CLVS1: variants seen among roughly 807,000 people sequenced by gnomAD.
The protein encoded by CLVS1 is clavesin 1.
Under a neutral mutation model 33.1 loss-of-function variants are expected in CLVS1, and 10 were observed. The observed-to-expected ratio is 0.30, with a 90% CI of 0.19 to 0.51. CLVS1 has a LOEUF of 0.51. Among genes scored for constraint, CLVS1 ranks in the 20% least tolerant of loss-of-function variants. The pLI is 0.97. For synonymous variants in CLVS1, 163 were observed against 166.1 expected, an observed-to-expected ratio of 0.98 and a Z score of 0.14; for missense variants, 343 against 433.4, an observed-to-expected ratio of 0.79 and a Z score of 1.85.
At chr8:61,167,574 G>T (rs1467671034) in intron 2 of CLVS1, among the ~76,000 whole-genome samples, 1 of 152,166 alleles carries the variant, frequency 6.6e-6, no homozygotes, top group Non-Finnish European at 1.5e-5. Context: ...AAACATCAGA[G>T]TTCTGTCAGA....
intron 1 of CLVS1, among the ~76,000 whole-genome samples, chr8:61,090,564 A>G (rs1692799401): frequency 6.6e-6 from 1 of 151,742 alleles, no homozygotes; most frequent in African/African-American, 2.4e-5. Flanking sequence ...TGGATCCGTG[A>G]GCCAAGAGCC....
intron 1 of CLVS1, among the ~76,000 whole-genome samples, chr8:61,095,062 G>A (rs1160705831): frequency 6.6e-6 from 1 of 152,130 alleles, no homozygotes; most frequent in Non-Finnish European, 1.5e-5. Flanking sequence ...TAATATTTGG[G>A]AAGGATGTGT....
chr8:61,194,589 G>C (rs1438857959), intron 2 of CLVS1, among the ~76,000 whole-genome samples: 1 of 151,852 alleles, frequency 6.6e-6, no homozygotes, highest in Non-Finnish European at 1.5e-5. Flanking sequence ...AAGGGAAATA[G>C]ATAAATAAAT....
chr8:61,266,375 C>T (rs1318530904), intron 2 of CLVS1, among the ~76,000 whole-genome samples: 1 of 149,840 alleles, frequency 6.7e-6, no homozygotes, highest in Non-Finnish European at 1.5e-5. Context: ...TCAATTGGAA[C>T]AAAATGCTTG....
intron 1 of CLVS1, among the ~76,000 whole-genome samples, chr8:61,297,587 A>G (rs573909747): frequency 1.7e-4 from 26 of 152,258 alleles, no homozygotes; most frequent in Admixed American, 6.5e-5. Flanking sequence ...TTTTGAACAG[A>G]TCGAGTTTGT....
rs1808450209 is a variant in CLVS1 at position 61,232,029 on chromosome 8, T to TTG, written c.-151-67647_-151-67646insGT. 4.8e-4 allele frequency among the ~76,000 whole-genome samples: 21 copies of TTG among 43,758 alleles called. 2 individuals carry two copies. The South Asian group carries it at 0.015, about 32-fold the overall frequency. 28.7% of individuals were successfully genotyped at this position (43,758 alleles called of 152,430 possible). ...AGCCCTGAGGAAAGTTGTGGTTTTT[T>TTG]TTTTTTTTTTTTTTTTTTTTTGTGA... On this transcript the variant is annotated intron_variant, in intron 2 of 2. Transcript: ENST00000522621.
chr8:61,063,542 G>C (rs1804624104), intron 1 of CLVS1, among the ~76,000 whole-genome samples: 1 of 152,156 alleles, frequency 6.6e-6, no homozygotes, highest in Non-Finnish European at 1.5e-5. Context: ...CTTCAAGAAG[G>C]ATGGACACAG....
At chr8:61,492,459 G>A (rs569821358) in intron 5 of CLVS1, among the ~76,000 whole-genome samples, 14 of 152,224 alleles carry the variant, frequency 9.2e-5, no homozygotes, top group African/African-American at 2.2e-4. Flanking sequence ...GCTGTATACC[G>A]GACAGTGCAG....
chr8:61,378,425 G>A (rs531927540), intron 3 of CLVS1: 2 of 152,290 alleles, frequency 1.3e-5, no homozygotes, highest in East Asian at 3.9e-4. Context: ...AAAAGGTAAT[G>A]CTATATATAA....
At chr8:61,431,510 A>G (rs1464579173) in intron 3 of CLVS1, among the ~76,000 whole-genome samples, 1 of 152,214 alleles carries the variant, frequency 6.6e-6, no homozygotes, top group African/African-American at 2.4e-5. Context: ...CTGACTGACC[A>G]CATAGCTACC....
At chr8:61,479,371 G>A (rs62526499) in intron 5 of CLVS1, among the ~76,000 whole-genome samples, 86,002 of 151,958 alleles carry the variant, frequency 0.57, 27,853 homozygotes, top group Non-Finnish European at 0.72. Flanking sequence ...CCAGTTGATC[G>A]CATCAGCTAC....
chr8:61,486,239 C>T (rs1305305960), intron 5 of CLVS1, among the ~76,000 whole-genome samples: 1 of 152,076 alleles, frequency 6.6e-6, no homozygotes, highest in Non-Finnish European at 1.5e-5. Flanking sequence ...GGCATGTTTG[C>T]TTTTTGCTTA....
rs555726182 is a variant in CLVS1, at chr8:61,490,176, G to A, written c.978-9279G>A. 1.3e-4 allele frequency among the ~76,000 whole-genome samples: 19 copies of A among 151,948 alleles called. No individual in the cohort carries two copies. The South Asian group carries it at 3.8e-3, about 30-fold the overall frequency. On this transcript the variant is annotated intron_variant, in intron 5 of 5. Coordinates refer to ENST00000325897, the MANE Select transcript of CLVS1 (RefSeq NM_173519.3). ...ACTAAAAATAAAAAATTACCTGGAT[G>A]TGGTGGTGCACTCCTGTAGTCCCAG...
intron 2 of CLVS1, among the ~76,000 whole-genome samples, chr8:61,273,420 T>C (rs1264831021): frequency 2.0e-5 from 3 of 152,184 alleles, no homozygotes; most frequent in African/African-American, 7.2e-5. Context: ...CATTTAAGTC[T>C]GCAGAGGTTA....
intron 5 of CLVS1, among the ~76,000 whole-genome samples, chr8:61,473,868 G>A (rs964820035): frequency 6.6e-6 from 1 of 152,180 alleles, no homozygotes; most frequent in Non-Finnish European, 1.5e-5. Flanking sequence ...TGACTGGGGA[G>A]ATGATTGTGA....
At chr8:61,085,840 G>T (rs1805111485) in intron 1 of CLVS1, among the ~76,000 whole-genome samples, 2 of 151,418 alleles carry the variant, frequency 1.3e-5, no homozygotes, top group Non-Finnish European at 2.9e-5. Flanking sequence ...TGGCTAACAC[G>T]GTGAAACCCC....
intron 2 of CLVS1, among the ~76,000 whole-genome samples, chr8:61,331,341 T>C (rs1811582565): frequency 6.6e-6 from 1 of 152,150 alleles, no homozygotes. Context: ...CTGGGTCTTT[T>C]TTATTTACTC....
intron 2 of CLVS1, among the ~76,000 whole-genome samples, chr8:61,229,926 G>A (rs950950564): frequency 1.3e-5 from 2 of 152,170 alleles, no homozygotes; most frequent in Non-Finnish European, 2.9e-5. Context: ...GCACCCAGCT[G>A]AGCCAGGCAC....
chr8:61,248,745 C>T (rs1329652112), intron 2 of CLVS1, among the ~76,000 whole-genome samples: 2 of 152,042 alleles, frequency 1.3e-5, no homozygotes, highest in Non-Finnish European at 2.9e-5. Context: ...TCTCCAATCA[C>T]ACCTTCATAT....
Sources: gnomAD v4.1 joint callset for allele counts (sites outside exome capture counted in the v4.1 genomes callset) on GRCh38, gnomAD v4.1.1 for gene constraint, MANE v1.5 for transcripts, NCBI Gene and HGNC (gene_info 2026-07-23, HGNC 2026-07-21) for gene names.